Variants in TOMM70 observed in about 807,000 individuals in gnomAD.
TOMM70 encodes mitochondrial import receptor subunit TOM70.
In TOMM70, 13 loss-of-function variants were observed where a neutral mutation model predicts 73.6. The ratio of observed to expected loss-of-function variants is 0.18; its 90% CI spans 0.11 to 0.28. The LOEUF (loss-of-function observed/expected upper bound fraction) is 0.28, where lower values mean the gene tolerates loss of function less well. TOMM70 is among the 10% of genes least tolerant of loss of function. The probability of loss-of-function intolerance (pLI) is 1.00; values close to 1 mark genes in which losing one functional copy is unlikely to be tolerated. For missense variants in TOMM70, 609 were observed against 747.5 expected (o/e 0.81, Z 2.16); for synonymous variants, 257 against 271.2 (o/e 0.95, Z 0.51).
At chr3:100,384,671 C>T in intron 3 of TOMM70, 83 bp from the exon 4 acceptor site, 5 of 942,890 alleles carry the variant, frequency 5.3e-6, no homozygotes, top group South Asian at 2.7e-5. Context: ...AATGTAACTA[C>T]AGAAAGCCAA....
intron 11 of TOMM70, among the ~76,000 whole-genome samples, chr3:100,366,957 C>G (rs553373800): frequency 6.6e-6 from 1 of 152,336 alleles, no homozygotes; most frequent in African/African-American, 2.4e-5. Context: ...CAGTGGCTCA[C>G]ACCTGTAATC....
intron 1 of TOMM70, among the ~76,000 whole-genome samples, chr3:100,391,592 G>A (rs569528006): frequency 1.3e-5 from 2 of 152,252 alleles, no homozygotes; most frequent in East Asian, 3.9e-4. Context: ...ATGTGCTTGT[G>A]TTTTAAGCTA....
chr3:100,386,164 A>G, intron 3 of TOMM70, 54 bp downstream of exon 3: 1 of 1,557,552 alleles, frequency 6.4e-7, no homozygotes, highest in South Asian at 1.2e-5. Context: ...TACATTTACC[A>G]ATGACTACAA....
At chr3:100,369,338 C>T (rs140993581) in intron 9 of TOMM70, among the ~76,000 whole-genome samples, 2,154 of 152,144 alleles carry the variant, frequency 0.014, 85 homozygotes, top group Admixed American at 0.085. Flanking sequence ...CTTAACTATC[C>T]TCTTTCTTCA....
intron 1 of TOMM70, among the ~76,000 whole-genome samples, chr3:100,389,788 T>C (rs897949767): frequency 1.3e-5 from 2 of 152,208 alleles, no homozygotes; most frequent in Admixed American, 6.5e-5. Context: ...ACGCCTGTAA[T>C]CCCAGCACTT....
chr3:100,400,764 C>A lies in TOMM70; in HGVS notation c.186G>T (p.Gln62His). Reference protein sequence around the residue: ...GAGAIYLWSRQQRRREARGRG... With the variant: ...GAGAIYLWSRHQRRREARGRG... ...GGCCTCTGGCCTCCCGGCGCCGTTG[C>A]TGCCGACTCCACAGGTATATGGCAC... Residue 62 changes from glutamine to histidine, a missense_variant, in exon 1 of 12, where the codon CAG becomes CAT. Around this residue, in one of 2 missense-constraint regions of TOMM70, gnomAD observed 177 missense variants for 163.5 expected, o/e 1.08. Coordinates refer to ENST00000284320, the MANE Select transcript of TOMM70 (RefSeq NM_014820.5). The A allele has an allele frequency of 6.3e-7, 1 of 1,586,784 alleles. No homozygotes were observed. The highest frequency in any genetic ancestry group is 2.3e-5 in the East Asian group (1 of 43,770).
chr3:100,396,755 T>G (rs1293346564), intron 1 of TOMM70, among the ~76,000 whole-genome samples: 1 of 152,208 alleles, frequency 6.6e-6, no homozygotes, highest in Non-Finnish European at 1.5e-5. Context: ...TCTAATACTT[T>G]AAGCACCTCA....
At chr3:100,378,426 C>T (rs1011078821) in intron 5 of TOMM70, among the ~76,000 whole-genome samples, 4 of 152,044 alleles carry the variant, frequency 2.6e-5, no homozygotes, top group African/African-American at 7.2e-5. Context: ...TTGATGTAGA[C>T]GGGGATTTTC....
intron 3 of TOMM70, among the ~76,000 whole-genome samples, chr3:100,385,063 A>T (rs1179365629): frequency 6.6e-6 from 1 of 152,232 alleles, no homozygotes; most frequent in Non-Finnish European, 1.5e-5. Context: ...GTTTGAAATT[A>T]AAAAGTAAGT....
At chr3:100,379,308 A>G (rs277631) in intron 5 of TOMM70, among the ~76,000 whole-genome samples, 112,134 of 152,082 alleles carry the variant, frequency 0.74, 42,255 homozygotes, top group East Asian at 0.93. Flanking sequence ...TATCTGTATA[A>G]AGAAAACTGG....
At chr3:100,375,240 C>T (rs2148890120) in intron 6 of TOMM70, 88 bp from the exon 7 acceptor site, 1 of 1,429,480 alleles carries the variant, frequency 7.0e-7, no homozygotes, top group South Asian at 1.6e-5. Flanking sequence ...TTCTATAATC[C>T]ACATATCACA....
At chr3:100,400,548 C>T (rs1353527852) in intron 1 of TOMM70, 78 bp downstream of exon 1, 1 of 1,498,938 alleles carries the variant, frequency 6.7e-7, no homozygotes, top group African/African-American at 1.4e-5. Context: ...TGATGGGAAG[C>T]CCCCTCACTG....
At chr3:100,389,623 G>A (rs1164954184) in intron 1 of TOMM70, among the ~76,000 whole-genome samples, 1 of 151,766 alleles carries the variant, frequency 6.6e-6, no homozygotes, top group East Asian at 1.9e-4. Flanking sequence ...AAAAATTAAG[G>A]TAATATAGAC....
intron 1 of TOMM70, among the ~76,000 whole-genome samples, chr3:100,397,705 A>T (rs558580919): frequency 2.6e-4 from 39 of 152,088 alleles, no homozygotes; most frequent in African/African-American, 9.2e-4. Context: ...CCTGGCGAAC[A>T]TGGTGAAACC....
intron 4 of TOMM70, among the ~76,000 whole-genome samples, chr3:100,383,537 C>G (rs1283741735): frequency 3.6e-5 from 5 of 140,000 alleles, no homozygotes; most frequent in Admixed American, 7.1e-5. Flanking sequence ...AAAAAAAAAA[C>G]AGAGAGAGAG....
chr3:100,399,278 CA>C (rs200617536), intron 1 of TOMM70, among the ~76,000 whole-genome samples: 1,951 of 91,112 alleles, frequency 0.021, 28 homozygotes, highest in African/African-American at 0.064. Flanking sequence ...GACTCCATCT[CA>C]AAAAAAAAAA....
intron 11 of TOMM70, 58 bp downstream of exon 11, chr3:100,367,985 AC>A: frequency 1.9e-6 from 3 of 1,548,380 alleles, no homozygotes; most frequent in Non-Finnish European, 2.6e-6. Flanking sequence ...CGTAATAAGA[AC>A]AAAAAGCTAA....
rs1445335468 is a variant in TOMM70 at position 100,381,707 on chromosome 3, G to A, written c.792C>T (p.Phe264=). 1 of 1,612,476 alleles carries A rather than the reference G, an allele frequency of 6.2e-7. No individual in the cohort carries two copies. The highest frequency in any genetic ancestry group is 1.7e-5 in the Admixed American group (1 of 59,902). The change falls in exon 5 of 12, where the codon TTC becomes TTT. Residue 264 remains phenylalanine, a synonymous_variant. Transcript: ENST00000284320. ...PQFIKSYFSS[F]TDDIISQPML... ...TGGGCTGGGAAATGATATCATCCGT[G>A]AAAGAACTGAAGTAAGATTTGATAA...
intron 4 of TOMM70, among the ~76,000 whole-genome samples, chr3:100,384,218 T>C (rs956581360): frequency 1.3e-5 from 2 of 152,222 alleles, no homozygotes; most frequent in Non-Finnish European, 2.9e-5. Context: ...CAGACTGGAT[T>C]TGGCCTATGG....
Sources: gnomAD v4.1 joint callset for allele counts (sites outside exome capture counted in the v4.1 genomes callset) on GRCh38, gnomAD v4.1.1 for gene constraint, gnomAD v4.1.1 regional missense constraint, MANE v1.5 for transcripts, NCBI Gene and HGNC (gene_info 2026-07-23, HGNC 2026-07-21) for gene names.